The following CD96 variants were observed in gnomAD, a reference collection of about 807,000 sequenced individuals.
CD96 encodes the protein T-cell surface protein tactile.
Under a neutral mutation model 71.3 loss-of-function variants are expected in CD96, and 70 were observed. That is an observed-to-expected ratio of 0.98 (90% CI 0.81 to 1.20). The LOEUF (loss-of-function observed/expected upper bound fraction) is 1.20, where lower values mean the gene tolerates loss of function less well. Among genes scored for constraint, CD96 ranks in the 50% most tolerant of loss-of-function variants. The pLI, the probability that CD96 is intolerant of heterozygous loss-of-function variation, is 0.00. For synonymous variants in CD96, 248 were observed against 233.0 expected (o/e 1.06, Z -0.59); for missense variants, 742 against 677.5 (o/e 1.10, Z -1.06).
At chr3:111,611,698 G>A (rs892498894) in intron 8 of CD96, among the ~76,000 whole-genome samples, 1 of 152,174 alleles carries the variant, frequency 6.6e-6, no homozygotes, top group Non-Finnish European at 1.5e-5. Flanking sequence ...TGCAGGGTCT[G>A]GAAGAAAATA....
In CD96 at chr3:111,545,177, A is replaced by T; in HGVS notation, c.193A>T (p.Ile65Leu). Residue 65 changes from isoleucine (I) to leucine (L), a missense_variant, in exon 2 of 14, where the codon ATA becomes TTA. Transcript: ENST00000352690. ...QMQWSKVTNKIDLIAVYHPQY... is the reference protein window; with the variant it reads ...QMQWSKVTNKLDLIAVYHPQY... ...GCAATGGTCCAAGGTCACCAATAAG[A>T]TAGACCTGATTGCTGTCTATCATCC... 6.2e-7 allele frequency: 1 copy of T among 1,614,196 alleles called. No individual in the cohort carries two copies. The highest frequency in any genetic ancestry group is 8.5e-7 in the Non-Finnish European group (1 of 1,180,014).
At chr3:111,656,928 T>C (rs1384631347), downstream of CD96, among the ~76,000 whole-genome samples, 3 of 152,046 alleles carry the variant, frequency 2.0e-5, no homozygotes, top group Admixed American at 6.5e-5. Context: ...TGTCCTTTCC[T>C]GCATATACCT....
At chr3:111,624,298 A>C (rs375832011) in intron 9 of CD96, 35 bp from the exon 10 acceptor site, 2 of 1,440,814 alleles carry the variant, frequency 1.4e-6, no homozygotes, top group Admixed American at 1.7e-5. Flanking sequence ...AGCTTTCGAA[A>C]AAAGCTGGAT....
At chr3:111,585,844 T>A (rs981571611) in intron 5 of CD96, among the ~76,000 whole-genome samples, 3 of 152,162 alleles carry the variant, frequency 2.0e-5, no homozygotes, top group Admixed American at 2.0e-4. Context: ...ACCCTGGGTA[T>A]GTCTTTGGTA....
At chr3:111,581,293 C>A (rs1357282702) in intron 4 of CD96, among the ~76,000 whole-genome samples, 1 of 152,114 alleles carries the variant, frequency 6.6e-6, no homozygotes, top group African/African-American at 2.4e-5. Context: ...CTCATCCAGT[C>A]CTTAACCTAT....
chr3:111,641,923 T>G (rs1402997701), intron 12 of CD96, among the ~76,000 whole-genome samples: 2 of 152,300 alleles, frequency 1.3e-5, no homozygotes, highest in Non-Finnish European at 2.9e-5. Context: ...GAAATCAAGA[T>G]GGAAATTTAA....
At chr3:111,615,333 G>C (rs1938175461) in intron 8 of CD96, among the ~76,000 whole-genome samples, 1 of 152,230 alleles carries the variant, frequency 6.6e-6, no homozygotes, top group Non-Finnish European at 1.5e-5. Flanking sequence ...GAGGATGCTT[G>C]AGGAACATGA....
chr3:111,575,794 G>T (rs1358693546), intron 3 of CD96, among the ~76,000 whole-genome samples: 1 of 152,216 alleles, frequency 6.6e-6, no homozygotes, highest in African/African-American at 2.4e-5. Flanking sequence ...CAGAAGAGCA[G>T]AAGAGAGAGA....
chr3:111,634,294 G>C (rs1939219030), intron 10 of CD96: 2 of 152,176 alleles, frequency 1.3e-5, no homozygotes, highest in Non-Finnish European at 2.9e-5. Flanking sequence ...TAGTGTCTTT[G>C]TTGAACAAAC....
chr3:111,587,384 G>A (rs1174322794), intron 5 of CD96, among the ~76,000 whole-genome samples: 2 of 152,172 alleles, frequency 1.3e-5, no homozygotes, highest in African/African-American at 4.8e-5. Context: ...ATCTCTGCTA[G>A]GTGGTGTCCC....
chr3:111,593,367 C>T, intron 5 of CD96: 1 of 673,076 alleles, frequency 1.5e-6, no homozygotes, highest in East Asian at 3.0e-5. Flanking sequence ...CTCTAGGAAC[C>T]TCGTAGATAA....
At chr3:111,612,204 A>G (rs1189372391) in intron 8 of CD96, among the ~76,000 whole-genome samples, 1 of 152,218 alleles carries the variant, frequency 6.6e-6, no homozygotes, top group South Asian at 2.1e-4. Context: ...ACTAAATGAT[A>G]TAGATTTAAA....
chr3:111,631,236 A>G (rs1389739500), intron 10 of CD96, among the ~76,000 whole-genome samples: 2 of 152,206 alleles, frequency 1.3e-5, no homozygotes, highest in African/African-American at 4.8e-5. Flanking sequence ...ATGATTCTAT[A>G]TCTAGAAAAT....
intron 2 of CD96, among the ~76,000 whole-genome samples, chr3:111,564,977 G>A (rs1215598171): frequency 6.6e-6 from 1 of 152,146 alleles, no homozygotes; most frequent in Non-Finnish European, 1.5e-5. Context: ...ATGTCCAGCA[G>A]TTTTTTCTCC....
chr3:111,619,280 G>A (rs113881046), intron 8 of CD96, among the ~76,000 whole-genome samples: 62 of 152,154 alleles, frequency 4.1e-4, no homozygotes, highest in African/African-American at 1.4e-3. Flanking sequence ...TTATTTTAGT[G>A]AGAAAATTTT....
intron 7 of CD96, 101 bp from the exon 8 acceptor site, chr3:111,606,599 T>C: frequency 1.4e-6 from 1 of 730,660 alleles, no homozygotes; most frequent in Non-Finnish European, 2.5e-6. Context: ...ATTTGTTACA[T>C]GATGAATAAA....
At chr3:111,567,260 A>G (rs1021407068) in intron 2 of CD96, among the ~76,000 whole-genome samples, 1 of 152,194 alleles carries the variant, frequency 6.6e-6, no homozygotes, top group Non-Finnish European at 1.5e-5. Flanking sequence ...GCCAAAGCAG[A>G]ACATGCCAAA....
chr3:111,599,871 A>G (rs1386359486), intron 6 of CD96, among the ~76,000 whole-genome samples: 1 of 152,258 alleles, frequency 6.6e-6, no homozygotes, highest in Non-Finnish European at 1.5e-5. Flanking sequence ...TTGGTAAGTA[A>G]TTACATCAGA....
At chr3:111,584,190 T>A (rs1936597758) in intron 4 of CD96, among the ~76,000 whole-genome samples, 1 of 152,178 alleles carries the variant, frequency 6.6e-6, no homozygotes, top group Admixed American at 6.5e-5. Context: ...CCAGTCTCTT[T>A]GCTAAAACAT....
Sources: gnomAD v4.1 joint callset for allele counts (sites outside exome capture counted in the v4.1 genomes callset) on GRCh38, gnomAD v4.1.1 for gene constraint, MANE v1.5 for transcripts, NCBI Gene and HGNC (gene_info 2026-07-23, HGNC 2026-07-21) for gene names.